Variants in FSHR observed in about 807,000 individuals in gnomAD.
FSHR encodes follicle-stimulating hormone receptor.
In FSHR, 46 loss-of-function variants were observed where a neutral mutation model predicts 52.1. The ratio of observed to expected loss-of-function variants is 0.88; its 90% confidence interval spans 0.70 to 1.13. The LOEUF (loss-of-function observed/expected upper bound fraction) is 1.13. Among genes scored for constraint, FSHR ranks in the 50% most tolerant of loss-of-function variants. The pLI, the probability that FSHR is intolerant of heterozygous loss-of-function variation, is 0.00. For synonymous variants in FSHR, 399 were observed against 309.6 expected, an observed-to-expected ratio of 1.29 and a Z score of -3.03; for missense variants, 964 against 834.6, an observed-to-expected ratio of 1.16 and a Z score of -1.91.
At chr2:49,051,824 T>C (rs1316182309) in intron 2 of FSHR, among the ~76,000 whole-genome samples, 1 of 152,168 alleles carries the variant, frequency 6.6e-6, no homozygotes, top group African/African-American at 2.4e-5. Context: ...AATTTTAGTT[T>C]TTGCGTTTAA....
At chr2:49,012,709 G>C (rs1267451733) in intron 4 of FSHR, among the ~76,000 whole-genome samples, 1 of 152,066 alleles carries the variant, frequency 6.6e-6, no homozygotes, top group African/African-American at 2.4e-5. Context: ...CAATCCTACT[G>C]GTCCCCACTG....
At chr2:49,021,247 T>C (rs1255964780) in intron 2 of FSHR, among the ~76,000 whole-genome samples, 1 of 152,190 alleles carries the variant, frequency 6.6e-6, no homozygotes, top group Non-Finnish European at 1.5e-5. Context: ...AGCGTTTTTT[T>C]CTCCCAGAGT....
chr2:49,089,232 C>T (rs1670510211), intron 1 of FSHR, among the ~76,000 whole-genome samples: 1 of 152,008 alleles, frequency 6.6e-6, no homozygotes. Flanking sequence ...GAGAAAGATT[C>T]CCTGAAAAAT....
chr2:48,967,035 T>A (rs1299947910), intron 9 of FSHR, among the ~76,000 whole-genome samples: 1 of 152,170 alleles, frequency 6.6e-6, no homozygotes, highest in Non-Finnish European at 1.5e-5. Flanking sequence ...CAACAAATTC[T>A]TGGGGTGTGT....
chr2:49,086,888 C>G (rs1051482630), intron 1 of FSHR, among the ~76,000 whole-genome samples: 2 of 152,046 alleles, frequency 1.3e-5, no homozygotes, highest in Non-Finnish European at 2.9e-5. Flanking sequence ...CCTGCCTTGG[C>G]CTCCCAAAGT....
chr2:48,992,554 A>G (rs1559110914), intron 4 of FSHR, among the ~76,000 whole-genome samples: 2 of 152,100 alleles, frequency 1.3e-5, no homozygotes, highest in Admixed American at 6.5e-5. Context: ...CAGCGATACG[A>G]AGTTAAAACC....
At chr2:49,031,767 G>A (rs1323879605) in intron 2 of FSHR, among the ~76,000 whole-genome samples, 1 of 152,182 alleles carries the variant, frequency 6.6e-6, no homozygotes, top group Non-Finnish European at 1.5e-5. Flanking sequence ...TAGCCTCTCT[G>A]AGCCTCGGTT....
At chr2:49,060,448 A>C (rs1403782565) in intron 2 of FSHR, among the ~76,000 whole-genome samples, 1 of 152,164 alleles carries the variant, frequency 6.6e-6, no homozygotes, top group Non-Finnish European at 1.5e-5. Flanking sequence ...CCTGCATCCC[A>C]GGAAATGATG....
At chr2:49,029,330 A>C (rs551895134) in intron 2 of FSHR, among the ~76,000 whole-genome samples, 1 of 152,300 alleles carries the variant, frequency 6.6e-6, no homozygotes, top group Non-Finnish European at 1.5e-5. Context: ...AAAAAACAAC[A>C]ACAAAACTTG....
intron 1 of FSHR, among the ~76,000 whole-genome samples, chr2:49,125,887 G>A (rs1671978386): frequency 6.6e-6 from 1 of 152,212 alleles, no homozygotes; most frequent in African/African-American, 2.4e-5. Context: ...ACTGTGGATG[G>A]CTGATGAGTT....
In FSHR at chr2:49,151,181, T is replaced by A. The variant is rs578089958; in HGVS notation, c.152+3085A>T. 4.9e-5 allele frequency among the ~76,000 whole-genome samples: 7 copies of A among 142,938 alleles called. No homozygotes were observed. The South Asian group carries it at 1.5e-3, about 31-fold the overall frequency. The allele number at this position is 142,938 out of a possible 152,430, so 93.8% of individuals were successfully genotyped here. A position where few individuals can be genotyped will look rare whatever the true frequency, so the allele number is the denominator to read the frequency against. ...TTTTCAGAATAAGAAAGGTATAGAG[T>A]CAGATGATGTTCATTTCACATGGCA... On this transcript the variant is annotated intron_variant, in intron 1 of 9. Transcript: ENST00000406846.
In FSHR at chr2:49,086,026, A is replaced by G. The variant is rs532845345; in HGVS notation, c.153-17736T>C. ...ATACCTAATGCTAAATGACGAGTTAATGGGTGCAGCACACCAACATGGCAC... is the reference window on the plus strand; with the variant it reads ...ATACCTAATGCTAAATGACGAGTTAGTGGGTGCAGCACACCAACATGGCAC... On this transcript the variant is annotated intron_variant, in intron 1 of 9. Coordinates refer to ENST00000406846, the MANE Select transcript of FSHR (RefSeq NM_000145.4). Among the ~76,000 whole-genome samples, 484 of 152,212 alleles carry G rather than the reference A, an allele frequency of 3.2e-3. 1 individual carries two copies. The highest frequency in any genetic ancestry group is 0.011 in the African/African-American group (468 of 41,516).
Position 48,988,159 on chromosome 2 carries a change from G to C in FSHR, c.524+818C>G, listed in dbSNP as rs138865455. 1.0e-3 allele frequency among the ~76,000 whole-genome samples: 154 copies of C among 152,064 alleles called. 1 individual carries two copies. In the South Asian group the frequency reaches 0.014, roughly 14 times the overall value. On this transcript the variant is annotated intron_variant, in intron 6 of 9. Coordinates refer to ENST00000406846, the MANE Select transcript of FSHR (RefSeq NM_000145.4). ...GTCTCTGAATCATACAACTGAAGGG[G>C]GCTAAAATTCTTTATGGACTGGAAC...
intron 2 of FSHR, among the ~76,000 whole-genome samples, chr2:49,021,886 T>TATATAGAGAGAGAGAGAGAGAGAGAG (rs1273265515): frequency 4.0e-5 from 1 of 25,126 alleles, no homozygotes; most frequent in African/African-American, 1.5e-4. Context: ...TATATATATA[T>TATATAGAGAGAGAGAGAGAGAGAGAG]AGAGAGAGAG....
intron 4 of FSHR, among the ~76,000 whole-genome samples, chr2:48,994,207 C>T (rs1675916749): frequency 6.6e-6 from 1 of 152,154 alleles, no homozygotes; most frequent in Non-Finnish European, 1.5e-5. Context: ...ACAGCTTACT[C>T]ATTCAACGTT....
At chr2:49,084,430 A>C (rs1472841186) in intron 1 of FSHR, among the ~76,000 whole-genome samples, 6 of 152,214 alleles carry the variant, frequency 3.9e-5, no homozygotes, top group Non-Finnish European at 4.4e-5. Context: ...ATCACAATTA[A>C]AGGAACTAGA....
chr2:49,137,915 C>T (rs1443562290), intron 1 of FSHR, among the ~76,000 whole-genome samples: 2 of 151,812 alleles, frequency 1.3e-5, no homozygotes, highest in African/African-American at 4.8e-5. Flanking sequence ...GGATATGACA[C>T]CAAAAGCACA....
chr2:49,127,892 CT>C (rs368830515), intron 1 of FSHR, among the ~76,000 whole-genome samples: 1 of 24,144 alleles, frequency 4.1e-5, no homozygotes, highest in East Asian at 2.3e-3. Context: ...TCTTCTTCTT[CT>C]TCTTCTTTTT....
chr2:49,144,409 T>C (rs1461491778), intron 1 of FSHR, among the ~76,000 whole-genome samples: 3 of 152,128 alleles, frequency 2.0e-5, no homozygotes, highest in Non-Finnish European at 2.9e-5. Context: ...CCCTTATTTC[T>C]AGTATTTGTT....
Sources: allele counts gnomAD v4.1 joint callset (sites outside exome capture counted in the v4.1 genomes callset), GRCh38; gene constraint gnomAD v4.1.1; transcripts MANE v1.5; gene names NCBI Gene and HGNC (gene_info 2026-07-23, HGNC 2026-07-21).